The following TSC22D2 variants were observed in gnomAD, a reference collection of about 807,000 sequenced individuals.
TSC22D2 encodes the protein TSC22 domain family member 2.
A neutral mutation model predicts 50.1 loss-of-function variants in TSC22D2; 5 were observed. The observed-to-expected ratio is 0.10, with a 90% CI of 0.05 to 0.21. TSC22D2 has a LOEUF of 0.21. TSC22D2 is among the 10% of genes least tolerant of loss of function. The pLI is 1.00. For missense variants in TSC22D2, 1,003 were observed against 1,015.5 expected (o/e 0.99, Z 0.17); for synonymous variants, 501 against 450.1 (o/e 1.11, Z -1.43).
intron 1 of TSC22D2, chr3:150,456,852 T>G: frequency 2.0e-6 from 1 of 500,770 alleles, no homozygotes; most frequent in Non-Finnish European, 3.5e-6. Context: ...ACAGGCAAAT[T>G]AGAAATGTTG....
chr3:150,417,773 T>A (rs1301802219), intron 1 of TSC22D2, among the ~76,000 whole-genome samples: 3 of 152,142 alleles, frequency 2.0e-5, no homozygotes, highest in Admixed American at 2.0e-4. Flanking sequence ...TTATAAATCA[T>A]ACCAAGAATC....
In TSC22D2 at chr3:150,408,454, G is replaced by A. The variant is rs940758265; in HGVS notation, c.-897G>A. On this transcript the variant is annotated 5_prime_UTR_variant, in exon 1 of 3. Coordinates refer to ENST00000688009, the MANE Select transcript of TSC22D2 (RefSeq NM_001303264.2). ...GGGTTTAGGAATTGGGCGCACCGAG[G>A]AGGAGCCGGAGAAGCCACCACCGCT... 6.6e-6 allele frequency: 1 copy of A among 152,440 alleles called. No homozygotes were observed. The highest frequency in any genetic ancestry group is 1.5e-5 in the Non-Finnish European group (1 of 68,174). The allele number at this position is 152,440 out of a possible 1,614,324, so 9.4% of individuals were successfully genotyped here. A position where few individuals can be genotyped will look rare whatever the true frequency, so the allele number is the denominator to read the frequency against.
intron 1 of TSC22D2, among the ~76,000 whole-genome samples, chr3:150,424,327 C>T (rs1408875081): frequency 6.6e-6 from 1 of 152,044 alleles, no homozygotes; most frequent in African/African-American, 2.4e-5. Context: ...AATGTGAGTA[C>T]TTTGGGGTAT....
intron 1 of TSC22D2, among the ~76,000 whole-genome samples, chr3:150,412,186 T>C (rs1038317083): frequency 1.8e-4 from 27 of 152,146 alleles, no homozygotes; most frequent in Non-Finnish European, 3.7e-4. Flanking sequence ...GTGAGGATTT[T>C]TGTGGTTTTG....
At chr3:150,439,174 T>C (rs1034638954) in intron 1 of TSC22D2, among the ~76,000 whole-genome samples, 2 of 152,146 alleles carry the variant, frequency 1.3e-5, no homozygotes, top group African/African-American at 2.4e-5. Context: ...AAGTGTGGTA[T>C]GCATATCCTG....
intron 1 of TSC22D2, among the ~76,000 whole-genome samples, chr3:150,422,383 G>A (rs1720038831): frequency 6.6e-6 from 1 of 152,180 alleles, no homozygotes; most frequent in South Asian, 2.1e-4. Context: ...AAGCCCTAGG[G>A]AATGGTAGAA....
Position 150,410,664 on chromosome 3 carries a change from C to T in TSC22D2, c.1314C>T (p.Ala438=), listed in dbSNP as rs745397489. The change falls in exon 1 of 3, where the codon GCC becomes GCT. Residue 438 remains alanine, a synonymous_variant. Coordinates refer to ENST00000688009, the MANE Select transcript of TSC22D2 (RefSeq NM_001303264.2). ...CTTCCCAGCCCAGCGAAGCCATGGC[C>T]CCCCGGACGGGACCAGCGCAAGGCG... ...GASSQPSEAM[A]PRTGPAQGGQ... 13 of 1,555,190 alleles carry T rather than the reference C, an allele frequency of 8.4e-6. No homozygotes were observed. The Middle Eastern group carries it at 1.3e-3, about 154-fold the overall frequency.
intron 1 of TSC22D2, among the ~76,000 whole-genome samples, chr3:150,446,847 A>G (rs1172820659): frequency 6.6e-6 from 1 of 152,208 alleles, no homozygotes; most frequent in African/African-American, 2.4e-5. Flanking sequence ...AAAATTAGTT[A>G]ATAACTTTGG....
At chr3:150,447,098 A>G (rs2108096325) in intron 1 of TSC22D2, among the ~76,000 whole-genome samples, 1 of 152,296 alleles carries the variant, frequency 6.6e-6, no homozygotes, top group East Asian at 1.9e-4. Flanking sequence ...TCTCATTTTT[A>G]CTTTAGTCAG....
Position 150,410,765 on chromosome 3 carries a change from C to G in TSC22D2, c.1415C>G (p.Pro472Arg). Residue 472 changes from proline to arginine, a missense_variant, in exon 1 of 3, where the codon CCT (proline) becomes CGT (arginine). Physicochemically the swap from Pro to Arg is moderately radical, Grantham distance 103. This residue lies in a region of TSC22D2 where 696 missense variants were observed against 647.8 expected (regional missense o/e 1.07). Transcript: ENST00000688009. The part of the protein sequence containing the change: ...VGGVVQPCLG[P>R]AGAGQPQSVP... ...GGCGTGGTGCAGCCGTGCCTCGGTC[C>G]TGCCGGGGCTGGGCAGCCCCAGTCC... 6.2e-7 allele frequency: 1 copy of G among 1,610,182 alleles called. No homozygotes were observed. The highest frequency in any genetic ancestry group is 8.5e-7 in the Non-Finnish European group (1 of 1,178,664).
chr3:150,446,369 G>A (rs1231925897), intron 1 of TSC22D2, among the ~76,000 whole-genome samples: 6 of 152,118 alleles, frequency 3.9e-5, no homozygotes, highest in African/African-American at 1.4e-4. Context: ...GTAATCCTTG[G>A]CTGGGTACGG....
At chr3:150,456,959 A>G (rs1721209411) in intron 1 of TSC22D2, 117 bp from the exon 2 acceptor site, 1 of 845,346 alleles carries the variant, frequency 1.2e-6, no homozygotes, top group East Asian at 2.7e-5. Context: ...AGAATAAGCT[A>G]TTTTAAATTA....
intron 2 of TSC22D2, 58 bp downstream of exon 2, chr3:150,457,185 AG>A: frequency 6.8e-7 from 1 of 1,472,426 alleles, no homozygotes; most frequent in Non-Finnish European, 9.3e-7. Flanking sequence ...TGGAACACTT[AG>A]CTTTTGTCAG....
Position 150,466,191 on chromosome 3 carries a change from T to TCACACACACA in TSC22D2, c.*7582_*7591dup, listed in dbSNP as rs3220532. The TCACACACACA allele has an allele frequency of 5.5e-5, 8 of 146,142 alleles. No homozygotes were observed. Among genetic ancestry groups the TCACACACACA allele is most frequent in the African/African-American group, 2.0e-4 (8 of 39,564 alleles). The allele number at this position is 146,142 out of a possible 1,614,324, so 9.1% of individuals were successfully genotyped here. On this transcript the variant is annotated 3_prime_UTR_variant, in exon 3 of 3. Coordinates refer to ENST00000688009, the MANE Select transcript of TSC22D2 (RefSeq NM_001303264.2). ...ATGATACTAGTGATGTTAAATCACA[T>TCACACACACA]CACACACACACACACACACACACAC...
intron 1 of TSC22D2, among the ~76,000 whole-genome samples, chr3:150,448,755 C>T (rs988557742): frequency 3.3e-5 from 5 of 151,504 alleles, no homozygotes; most frequent in Non-Finnish European, 7.4e-5. Flanking sequence ...AATGGCTCTA[C>T]AAGAAAAAAG....
intron 1 of TSC22D2, among the ~76,000 whole-genome samples, chr3:150,412,958 A>G (rs1211712150): frequency 6.6e-6 from 1 of 152,146 alleles, no homozygotes; most frequent in Non-Finnish European, 1.5e-5. Context: ...TATCTCTTCA[A>G]GAAATGATGA....
rs1459567564 is a variant in TSC22D2, at chr3:150,462,162, G to A, written c.*3526G>A. Reference sequence around the variant, plus strand: ...TCAGGGTAGGTTTCCTCAAAAACATGACACCTGAGTCTTGAAGGTCATAAG... The same window carrying A: ...TCAGGGTAGGTTTCCTCAAAAACATAACACCTGAGTCTTGAAGGTCATAAG... On this transcript the variant is annotated 3_prime_UTR_variant, in exon 3 of 3. Transcript: ENST00000688009. 1 of 152,138 alleles carries A rather than the reference G, an allele frequency of 6.6e-6. No homozygotes were observed. The highest frequency in any genetic ancestry group is 2.4e-5 in the African/African-American group (1 of 41,408). The allele number at this position is 152,138 out of a possible 1,614,324, so 9.4% of individuals were successfully genotyped here.
chr3:150,451,301 C>A (rs904088125), intron 1 of TSC22D2, among the ~76,000 whole-genome samples: 2 of 152,088 alleles, frequency 1.3e-5, no homozygotes, highest in Non-Finnish European at 2.9e-5. Context: ...AGCTTTCTAA[C>A]AAACCAGAAG....
rs1218260234 is a variant in TSC22D2, at chr3:150,461,889, CT to C, written c.*3254del. 1.3e-5 allele frequency: 2 copies of C among 151,268 alleles called. No homozygotes were observed. The highest frequency in any genetic ancestry group is 4.9e-5 in the African/African-American group (2 of 41,162). 9.4% of individuals were successfully genotyped at this position (151,268 alleles called of 1,614,324 possible). ...AAGTCTTAATAGAACCAGAATATCT[CT>C]GTTCTTGAAAATTTATCTTTGCAGA... On this transcript the variant is annotated 3_prime_UTR_variant, in exon 3 of 3. Transcript: ENST00000688009.
Sources: gnomAD v4.1 joint callset for allele counts (sites outside exome capture counted in the v4.1 genomes callset) on GRCh38, gnomAD v4.1.1 for gene constraint, gnomAD v4.1.1 regional missense constraint, MANE v1.5 for transcripts, NCBI Gene and HGNC (gene_info 2026-07-23, HGNC 2026-07-21) for gene names.